The following LYPLAL1 variants were observed in gnomAD, a reference collection of about 807,000 sequenced individuals.
The protein encoded by LYPLAL1 is lysophospholipase like 1.
In LYPLAL1, 23 loss-of-function variants were observed where a neutral mutation model predicts 19.7. That is an observed-to-expected ratio of 1.17 (90% confidence interval 0.84 to 1.65). LYPLAL1 has a LOEUF of 1.65. Among genes scored for constraint, LYPLAL1 ranks in the 40% most tolerant of loss-of-function variants. The pLI is 0.00. For missense variants in LYPLAL1, 355 were observed against 279.4 expected (o/e 1.27, Z -1.93); for synonymous variants, 119 against 96.3 (o/e 1.24, Z -1.38).
the LYPLAL1 span, among the ~76,000 whole-genome samples, chr1:219,275,290 C>T: frequency 0.47 from 70,911 of 151,972 alleles, 16,916 homozygotes; most frequent in East Asian, 0.66. Flanking sequence ...CCTTGTGTAC[C>T]GCCTAATAAT....
rs554947087 is a variant in LYPLAL1, at chr1:219,203,922, T to G, written c.362-6610T>G. 2.0e-5 allele frequency among the ~76,000 whole-genome samples: 3 copies of G among 152,316 alleles called. No homozygotes were observed. In the East Asian group the frequency reaches 5.8e-4, roughly 29 times the overall value. On this transcript the variant is annotated intron_variant, in intron 3 of 4. Coordinates refer to ENST00000366928, the MANE Select transcript of LYPLAL1 (RefSeq NM_138794.5). ...AATACCAGGATGAGTAAAACTACATTTAAAATTTTAATCATCTGTGGGGTT... is the reference window on the plus strand; with the variant it reads ...AATACCAGGATGAGTAAAACTACATGTAAAATTTTAATCATCTGTGGGGTT...
chr1:219,350,791 C>T, the LYPLAL1 span, among the ~76,000 whole-genome samples: 1 of 152,160 alleles, frequency 6.6e-6, no homozygotes, highest in African/African-American at 2.4e-5. Context: ...AGCCAAGGAA[C>T]TCTGTACTTT....
the LYPLAL1 span, among the ~76,000 whole-genome samples, chr1:219,419,088 A>C: frequency 1.3e-5 from 2 of 152,292 alleles, no homozygotes; most frequent in Non-Finnish European, 1.5e-5. Context: ...AAGTTTTGGC[A>C]ATTATAATTG....
chr1:219,310,147 A>G, the LYPLAL1 span, among the ~76,000 whole-genome samples: 2 of 152,146 alleles, frequency 1.3e-5, no homozygotes, highest in Admixed American at 1.3e-4. Context: ...CTCATCTATA[A>G]ACCAAAGTGA....
Position 219,191,061 on chromosome 1 carries a change from AAAACT to A in LYPLAL1, c.192-2020_192-2016del, listed in dbSNP as rs557892897. On this transcript the variant is annotated intron_variant, in intron 2 of 4. Coordinates refer to ENST00000366928, the MANE Select transcript of LYPLAL1 (RefSeq NM_138794.5). ...ATTATACCTCAATAAAGTTGGTTTT[AAAACT>A]TCAATTGATACTCTTAAATGGTAAC... Among the ~76,000 whole-genome samples the A allele has an allele frequency of 2.4e-4, 36 of 151,812 alleles. No individual in the cohort carries two copies. In the East Asian group the frequency reaches 5.0e-3, roughly 21 times the overall value.
the LYPLAL1 span, among the ~76,000 whole-genome samples, chr1:219,299,549 T>C: frequency 1.3e-5 from 2 of 151,884 alleles, no homozygotes; most frequent in African/African-American, 2.4e-5. Context: ...ATTGGACAGA[T>C]GGGGAAAGTT....
At chr1:219,291,077 C>T in the LYPLAL1 span, among the ~76,000 whole-genome samples, 1 of 152,128 alleles carries the variant, frequency 6.6e-6, no homozygotes, top group African/African-American at 2.4e-5. Context: ...TTAACCAACG[C>T]TTGAGTAAGC....
intron 2 of LYPLAL1, among the ~76,000 whole-genome samples, chr1:219,180,062 T>C (rs573196098): frequency 1.3e-5 from 2 of 152,256 alleles, no homozygotes; most frequent in South Asian, 4.2e-4. Context: ...AGTGGTGCAG[T>C]CTTGGCCCAC....
chr1:219,399,603 G>A, the LYPLAL1 span, among the ~76,000 whole-genome samples: 1 of 152,124 alleles, frequency 6.6e-6, no homozygotes, highest in African/African-American at 2.4e-5. Context: ...GTTGGTGCAT[G>A]GCTATGGGGG....
chr1:219,186,297 C>T (rs1030292489), intron 2 of LYPLAL1, among the ~76,000 whole-genome samples: 3 of 151,730 alleles, frequency 2.0e-5, no homozygotes, highest in African/African-American at 7.3e-5. Context: ...CTGTGCATTT[C>T]TGCGTGTCAC....
At chr1:219,233,604 C>G in the LYPLAL1 span, among the ~76,000 whole-genome samples, 2 of 151,700 alleles carry the variant, frequency 1.3e-5, no homozygotes, top group Non-Finnish European at 2.9e-5. Context: ...CTTGTCTTTA[C>G]AAAAAAATTT....
chr1:219,336,672 C>T, the LYPLAL1 span, among the ~76,000 whole-genome samples: 1 of 151,924 alleles, frequency 6.6e-6, no homozygotes, highest in East Asian at 1.9e-4. Context: ...CTAGTATTGC[C>T]ATAAAATCAT....
At chr1:219,418,816 C>T in the LYPLAL1 span, among the ~76,000 whole-genome samples, 8,562 of 152,262 alleles carry the variant, frequency 0.056, 552 homozygotes, top group African/African-American at 0.16. Flanking sequence ...TCTCCATCTC[C>T]TCTCACCCCT....
chr1:219,299,140 C>CTTTTTTTTTTTTTTTTT, the LYPLAL1 span, among the ~76,000 whole-genome samples: 7 of 129,492 alleles, frequency 5.4e-5, no homozygotes, highest in Non-Finnish European at 4.8e-5. Flanking sequence ...CCTCCCCCAG[C>CTTTTTTTTTTTTTTTTT]TTTTTTTTTT....
chr1:219,211,382 TAG>T, intron 4 of LYPLAL1, 108 bp from the exon 5 acceptor site: 7 of 759,282 alleles, frequency 9.2e-6, no homozygotes, highest in African/African-American at 3.5e-5. Flanking sequence ...TTTTTCCCAT[TAG>T]TTATTGAAGC....
chr1:219,333,346 G>T, the LYPLAL1 span, among the ~76,000 whole-genome samples: 823 of 152,110 alleles, frequency 5.4e-3, 10 homozygotes, highest in Admixed American at 0.03. Flanking sequence ...ATTCCAAGAA[G>T]CTCCTTTAAC....
chr1:219,263,952 G>A, the LYPLAL1 span, among the ~76,000 whole-genome samples: 1 of 152,138 alleles, frequency 6.6e-6, no homozygotes, highest in African/African-American at 2.4e-5. Flanking sequence ...TTCCTGGCAT[G>A]TTCCTGTGGC....
At chr1:219,313,292 A>G in the LYPLAL1 span, among the ~76,000 whole-genome samples, 14 of 152,230 alleles carry the variant, frequency 9.2e-5, no homozygotes, top group Non-Finnish European at 1.9e-4. Context: ...TGTACCATTT[A>G]GGATTATATT....
the LYPLAL1 span, among the ~76,000 whole-genome samples, chr1:219,316,720 A>G: frequency 6.6e-6 from 1 of 152,190 alleles, no homozygotes; most frequent in Non-Finnish European, 1.5e-5. Context: ...CCTTAAAAAG[A>G]AACAAAATTC....
Sources: gnomAD v4.1 joint callset for allele counts (sites outside exome capture counted in the v4.1 genomes callset) on GRCh38, gnomAD v4.1.1 for gene constraint, MANE v1.5 for transcripts, NCBI Gene and HGNC (gene_info 2026-07-23, HGNC 2026-07-21) for gene names.